POLQ: variants seen among roughly 807,000 people sequenced by gnomAD.
POLQ encodes the protein epididymis secretory sperm binding protein.
POLQ carries 233 observed loss-of-function variants against 259.2 expected under a neutral mutation model. The observed-to-expected ratio is 0.90, with a 90% CI of 0.81 to 1.00. The LOEUF is 1.00. Among genes scored for constraint, POLQ ranks in the 50% least tolerant of loss-of-function variants. POLQ has a pLI of 0.00. For synonymous variants in POLQ, 1,025 were observed against 1,048.8 expected, an observed-to-expected ratio of 0.98 and a Z score of 0.44; for missense variants, 2,871 against 3,051.6, an observed-to-expected ratio of 0.94 and a Z score of 1.39.
At chr3:121,483,182 T>C (rs2047983660) in intron 18 of POLQ, among the ~76,000 whole-genome samples, 1 of 151,976 alleles carries the variant, frequency 6.6e-6, no homozygotes, top group African/African-American at 2.4e-5. Flanking sequence ...GGGCTCCAAA[T>C]TTGTGACATC....
chr3:121,471,634 C>T (rs535774677), intron 22 of POLQ, among the ~76,000 whole-genome samples: 2 of 152,002 alleles, frequency 1.3e-5, no homozygotes, highest in South Asian at 2.1e-4. Context: ...CCCAGCTACT[C>T]GGGAGGTTGA....
chr3:121,493,430 A>T (rs1553812448), intron 15 of POLQ, 48 bp downstream of exon 15: 1 of 1,343,602 alleles, frequency 7.4e-7, no homozygotes, highest in Non-Finnish European at 1.0e-6. Context: ...TAAAATTGAC[A>T]TTTTTTTTTT....
rs2048040279 is a variant in POLQ at position 121,489,074 on chromosome 3, A to G, written c.3857T>C (p.Leu1286Pro). 1.9e-6 allele frequency: 3 copies of G among 1,613,558 alleles called. No individual in the cohort carries two copies. In the East Asian group the frequency reaches 6.7e-5, roughly 36 times the overall value. Residue 1286 changes from leucine (L) to proline (P), a missense_variant, in exon 16 of 30, where the codon CTA becomes CCA. Leu to Pro is a moderately conservative substitution (Grantham distance 98). Coordinates refer to ENST00000264233, the MANE Select transcript of POLQ (RefSeq NM_199420.4). ...TTTTTCTTGTAGTCTAGAAATATTTAGAAAATTCTCATGCTGGCCTTCTGA... is the reference window on the plus strand; with the variant it reads ...TTTTTCTTGTAGTCTAGAAATATTTGGAAAATTCTCATGCTGGCCTTCTGA... ...SKSEGQHENF[L>P]NISRLQEKTG...
rs2047848285 is a variant in POLQ at position 121,467,548 on chromosome 3, C to T, written c.6938G>A (p.Ser2313Asn). ...AADRGMPFSI[S>N]MRHAFVPFPG... ...GAAAGGCACAAAGGCATGTCGCATG[C>T]TAATTGAAAATGGCATTCCTCTGTC... Residue 2313 changes from serine to asparagine, a missense_variant, in exon 24 of 30, where the codon AGC (serine) becomes AAC (asparagine). Ser to Asn is a conservative substitution (Grantham distance 46). Coordinates refer to ENST00000264233, the MANE Select transcript of POLQ (RefSeq NM_199420.4). The T allele has an allele frequency of 6.2e-6, 10 of 1,614,062 alleles. No homozygotes were observed. Among genetic ancestry groups the T allele is most frequent in the Non-Finnish European group, 8.5e-6 (10 of 1,179,926 alleles).
rs2048142397 is a variant in POLQ, at chr3:121,498,526, CT to C, written c.2103del (p.Val702Ter). The C allele has an allele frequency of 6.2e-7, 1 of 1,614,126 alleles. No individual in the cohort carries two copies. Among genetic ancestry groups the C allele is most frequent in the Non-Finnish European group, 8.5e-7 (1 of 1,180,006 alleles). ...EGFLARCVKG[K>X]VVARTERQHR... ...TGCTGTCTCTCAGTTCTGGCTACTA[CT>C]TTTCCTTTCACACAACGGGCCAAGA... On this transcript the variant is annotated frameshift_variant, in exon 13 of 30. Transcript: ENST00000264233. LOFTEE classifies it high-confidence loss of function.
At position 121,489,230 on chromosome 3, in the gene POLQ, G is replaced by T. The variant is rs2048041856; in HGVS notation, c.3701C>A (p.Thr1234Asn). Reference sequence around the variant, plus strand: ...AAGCTTTATCCTTTCACAATTGATAGTAACATTTGAGTCTCTATTTATGTA... The same window carrying T: ...AAGCTTTATCCTTTCACAATTGATATTAACATTTGAGTCTCTATTTATGTA... The part of the protein sequence containing the change: ...SSYINRDSNV[T>N]INCERIKLNT... Residue 1234 changes from threonine (T) to asparagine (N), a missense_variant, in exon 16 of 30, where the codon ACT becomes AAT. Around this residue, in one of 3 missense-constraint regions of POLQ, gnomAD observed 2,080 missense variants for 2,126.0 expected, o/e 0.98. Coordinates refer to ENST00000264233, the MANE Select transcript of POLQ (RefSeq NM_199420.4). 5 of 1,611,636 alleles carry T rather than the reference G, an allele frequency of 3.1e-6. No individual in the cohort carries two copies. The highest frequency in any genetic ancestry group is 4.2e-6 in the Non-Finnish European group (5 of 1,178,838).
intron 17 of POLQ, among the ~76,000 whole-genome samples, chr3:121,484,807 A>G (rs1316355240): frequency 2.0e-5 from 3 of 152,156 alleles, no homozygotes; most frequent in African/African-American, 7.2e-5. Context: ...AGGCTGAGGC[A>G]GGAGAATCGC....
intron 20 of POLQ, among the ~76,000 whole-genome samples, chr3:121,475,563 A>G (rs1327581067): frequency 6.6e-6 from 1 of 152,242 alleles, no homozygotes; most frequent in Non-Finnish European, 1.5e-5. Flanking sequence ...AGAGAGACCC[A>G]TTATGATTAA....
chr3:121,488,866 C>T lies in POLQ; in HGVS notation c.4065G>A (p.Gln1355=). 6 of 1,614,042 alleles carry T rather than the reference C, an allele frequency of 3.7e-6. No individual in the cohort carries two copies. The highest frequency in any genetic ancestry group is 5.1e-6 in the Non-Finnish European group (6 of 1,179,938). Residue 1355 remains glutamine, a synonymous_variant, in exon 16 of 30, where the codon CAG becomes CAA. Transcript: ENST00000264233. ...TTGAGTTCTGTTGGACTAAGCTCTT[C>T]TGCATTATCCCTGCTGCCAGGTTGG... is the stretch of plus-strand genomic sequence containing the variant. The part of the protein sequence containing the change: ...KDTNLAAGIM[Q]KSLVQQNSMN...
At position 121,473,498 on chromosome 3, in the gene POLQ, T is replaced by C. The variant is rs1560092970; in HGVS notation, c.6406-11A>G. On this transcript the variant is annotated splice_polypyrimidine_tract_variant and intron_variant, in intron 20 of 29. Coordinates refer to ENST00000264233, the MANE Select transcript of POLQ (RefSeq NM_199420.4). ...TTCCAAAAATAAAACCTGCAAGAAATTAATGTCTCTTTAGTCAAGAATGAA... is the reference window on the plus strand; with the variant it reads ...TTCCAAAAATAAAACCTGCAAGAAACTAATGTCTCTTTAGTCAAGAATGAA... 1 of 1,604,508 alleles carries C rather than the reference T, an allele frequency of 6.2e-7. No homozygotes were observed. The highest frequency in any genetic ancestry group is 8.5e-7 in the Non-Finnish European group (1 of 1,174,322).
In POLQ at chr3:121,494,397, A is replaced by G. The variant is rs947193321; in HGVS notation, c.2279-676T>C. The G allele has an allele frequency of 3.8e-6, 6 of 1,561,104 alleles. No homozygotes were observed. The African/African-American group carries it at 6.8e-5, about 18-fold the overall frequency. ...CGCCAAACAGCTACTCAGCTGCTTA[A>G]GCTGGCCCACAAGTACAGACCAGAG... is the stretch of plus-strand genomic sequence containing the variant. On this transcript the variant is annotated intron_variant, in intron 14 of 29. Coordinates refer to ENST00000264233, the MANE Select transcript of POLQ (RefSeq NM_199420.4).
chr3:121,453,861 C>G (rs1030365143), intron 25 of POLQ, among the ~76,000 whole-genome samples: 3 of 152,110 alleles, frequency 2.0e-5, no homozygotes, highest in Non-Finnish European at 2.9e-5. Flanking sequence ...CCAACATTCA[C>G]ATTCAGGAAA....
intron 7 of POLQ, among the ~76,000 whole-genome samples, chr3:121,525,693 G>A (rs921239183): frequency 6.6e-6 from 1 of 152,142 alleles, no homozygotes; most frequent in Non-Finnish European, 1.5e-5. Flanking sequence ...AAGCAGTCTT[G>A]AATAATTAGA....
intron 25 of POLQ, among the ~76,000 whole-genome samples, chr3:121,452,934 C>T (rs543743457): frequency 1.2e-3 from 180 of 152,360 alleles, no homozygotes; most frequent in Middle Eastern, 3.4e-3. Flanking sequence ...CAGACTGCCT[C>T]CTCAAGTGGG....
chr3:121,500,083 T>C (rs2048155037), intron 12 of POLQ, among the ~76,000 whole-genome samples: 1 of 151,854 alleles, frequency 6.6e-6, no homozygotes, highest in Non-Finnish European at 1.5e-5. Flanking sequence ...GAGTTTGAGA[T>C]CAGCATGGGC....
chr3:121,494,445 G>T, intron 14 of POLQ: 1 of 1,523,632 alleles, frequency 6.6e-7, no homozygotes, highest in Non-Finnish European at 9.1e-7. Flanking sequence ...AAGAAGCAGA[G>T]GCTGTTGGCC....
At chr3:121,499,026 A>T (rs1364758531) in intron 12 of POLQ, among the ~76,000 whole-genome samples, 2 of 152,180 alleles carry the variant, frequency 1.3e-5, no homozygotes, top group Non-Finnish European at 2.9e-5. Flanking sequence ...GGCTGCAGTA[A>T]GCTATGACTG....
intron 5 of POLQ, among the ~76,000 whole-genome samples, chr3:121,534,400 G>A (rs1013445022): frequency 6.6e-6 from 1 of 151,844 alleles, no homozygotes; most frequent in Non-Finnish European, 1.5e-5. Flanking sequence ...CACGATCTTG[G>A]CTCATGGCAA....
At chr3:121,436,518 A>G (rs534148099) in intron 27 of POLQ, among the ~76,000 whole-genome samples, 7 of 152,306 alleles carry the variant, frequency 4.6e-5, no homozygotes, top group South Asian at 2.1e-4. Flanking sequence ...TTCAGCTTAG[A>G]TATCTTGACT....
Sources: allele counts gnomAD v4.1 joint callset (sites outside exome capture counted in the v4.1 genomes callset), GRCh38; gene constraint gnomAD v4.1.1; regional missense constraint gnomAD v4.1.1; transcripts MANE v1.5; gene names NCBI Gene and HGNC (gene_info 2026-07-23, HGNC 2026-07-21).